The following ARHGAP39 variants were observed in gnomAD, a reference collection of about 807,000 sequenced individuals.
The protein encoded by ARHGAP39 is rho GTPase-activating protein 39.
ARHGAP39 carries 44 observed loss-of-function variants against 106.9 expected under a neutral mutation model. The observed-to-expected ratio is 0.41, with a 90% CI of 0.32 to 0.53. The LOEUF (loss-of-function observed/expected upper bound fraction) is 0.53, where lower values mean the gene tolerates loss of function less well. ARHGAP39 is among the 20% of genes least tolerant of loss of function. The pLI is 0.21. For synonymous variants in ARHGAP39, 768 were observed against 693.2 expected (o/e 1.11, Z -1.69); for missense variants, 1,496 against 1,577.3 (o/e 0.95, Z 0.87).
intron 1 of ARHGAP39, among the ~76,000 whole-genome samples, chr8:144,623,550 C>T (rs1201062420): frequency 2.0e-5 from 3 of 152,240 alleles, no homozygotes; most frequent in Non-Finnish European, 2.9e-5. Context: ...GCGACCCAGA[C>T]CTGACAGGCG....
At chr8:144,594,786 G>A (rs1819541197) in intron 2 of ARHGAP39, among the ~76,000 whole-genome samples, 1 of 152,104 alleles carries the variant, frequency 6.6e-6, no homozygotes, top group African/African-American at 2.4e-5. Flanking sequence ...TTGGGAGGCT[G>A]AGGCATGAGA....
At chr8:144,571,067 G>C (rs1484004556) in intron 3 of ARHGAP39, among the ~76,000 whole-genome samples, 2 of 152,174 alleles carry the variant, frequency 1.3e-5, no homozygotes, top group East Asian at 3.8e-4. Context: ...AGAGGAGCTG[G>C]TACCAGTCCT....
At chr8:144,535,525 G>C (rs1191830811) in intron 7 of ARHGAP39, among the ~76,000 whole-genome samples, 1 of 152,226 alleles carries the variant, frequency 6.6e-6, no homozygotes, top group South Asian at 2.1e-4. Flanking sequence ...AGAGCCTCAA[G>C]AAGGCAAGGA....
chr8:144,543,954 G>C (rs927629277), intron 6 of ARHGAP39: 1 of 152,386 alleles, frequency 6.6e-6, no homozygotes, highest in South Asian at 2.1e-4. Flanking sequence ...GCTCAGGCAC[G>C]ACATTCCCAG....
chr8:144,692,172 TTCTC>T, the ARHGAP39 span, among the ~76,000 whole-genome samples: 2 of 151,986 alleles, frequency 1.3e-5, no homozygotes, highest in Non-Finnish European at 2.9e-5. Context: ...ACTTCCCTCT[TTCTC>T]TCTCTGTCTC....
At chr8:144,530,639 C>A (rs779631185) in intron 11 of ARHGAP39, 23 bp from the exon 12 acceptor site, 5 of 587,364 alleles carry the variant, frequency 8.5e-6, no homozygotes, top group Non-Finnish European at 1.1e-5. Flanking sequence ...CGAGGGTGGG[C>A]GCGGAGGGGC....
intron 2 of ARHGAP39, among the ~76,000 whole-genome samples, chr8:144,590,505 C>T (rs1382768569): frequency 6.6e-6 from 1 of 151,840 alleles, no homozygotes; most frequent in African/African-American, 2.4e-5. Context: ...TCAGAAGCTT[C>T]CTGAGGCCTC....
intron 1 of ARHGAP39, among the ~76,000 whole-genome samples, chr8:144,623,474 G>A (rs938166218): frequency 6.6e-6 from 1 of 152,226 alleles, no homozygotes; most frequent in African/African-American, 2.4e-5. Flanking sequence ...AAGAATGGAA[G>A]AGACAGAGCT....
intron 2 of ARHGAP39, among the ~76,000 whole-genome samples, chr8:144,584,380 C>A (rs1246749209): frequency 1.3e-5 from 2 of 152,246 alleles, no homozygotes; most frequent in Non-Finnish European, 2.9e-5. Context: ...TGTGAAATTT[C>A]ATTTTCCCAT....
Position 144,580,907 on chromosome 8 carries a change from C to T in ARHGAP39, c.451G>A (p.Glu151Lys). ...EPEPDTEKAQELPARAGRPAA... is the reference protein window; with the variant it reads ...EPEPDTEKAQKLPARAGRPAA... ...GGCCGCCCGGCCCTCGCTGGCAACT[C>T]CTGCGCTTTCTCAGTGTCGGGCTCG... Residue 151 changes from glutamate (E) to lysine (K), a missense_variant, in exon 3 of 12, where the codon GAG becomes AAG. By Grantham distance (56) the Glu-to-Lys change is moderately conservative (BLOSUM62 1). Around this residue, in one of 4 missense-constraint regions of ARHGAP39, gnomAD observed 905 missense variants for 816.4 expected, o/e 1.11. Transcript: ENST00000377307. The T allele has an allele frequency of 6.2e-7, 1 of 1,604,058 alleles. No homozygotes were observed.
chr8:144,547,823 G>A lies in ARHGAP39; in HGVS notation c.1263C>T (p.Asn421=). The A allele has an allele frequency of 1.9e-6, 3 of 1,591,506 alleles. No individual in the cohort carries two copies. The highest frequency in any genetic ancestry group is 2.6e-6 in the Non-Finnish European group (3 of 1,171,006). The change falls in exon 5 of 12, where the codon AAC becomes AAT. Residue 421 remains asparagine (N), a synonymous_variant. Transcript: ENST00000377307. The surrounding 1 kb of genome is among the most constrained non-coding windows in gnomAD (Gnocchi z 5.2). Reference sequence around the variant, plus strand: ...GCAAGGAGTACGAACCACCGCCGGGGTTGGGCGCGTACTTGTGCCGCGGGC... The same window carrying A: ...GCAAGGAGTACGAACCACCGCCGGGATTGGGCGCGTACTTGTGCCGCGGGC... ...RAGPRHKYAP[N]PGGGSYSLQP...
chr8:144,530,918 CT>C (rs756090613), intron 10 of ARHGAP39, 47 bp from the exon 11 acceptor site: 26 of 1,573,918 alleles, frequency 1.7e-5, no homozygotes, highest in Admixed American at 3.5e-5. Flanking sequence ...GCGGGCACCC[CT>C]GGGCCAAATG....
chr8:144,589,524 G>A (rs117002272), intron 2 of ARHGAP39, among the ~76,000 whole-genome samples: 3,035 of 152,316 alleles, frequency 0.02, 74 homozygotes, highest in Admixed American at 0.064. Context: ...TGGTGACCAC[G>A]AGGCAGCTTT....
chr8:144,607,686 C>G (rs1820345006), intron 1 of ARHGAP39, among the ~76,000 whole-genome samples: 1 of 152,188 alleles, frequency 6.6e-6, no homozygotes, highest in African/African-American at 2.4e-5. Context: ...ACACTGCAGG[C>G]CAATTGGAAA....
At position 144,548,284 on chromosome 8, in the gene ARHGAP39, GGAA is replaced by G. The variant is rs756238605; in HGVS notation, c.799_801del (p.Phe267del). The G allele has an allele frequency of 3.1e-6, 5 of 1,608,840 alleles. No homozygotes were observed. Among genetic ancestry groups the G allele is most frequent in the East Asian group, 2.2e-5 (1 of 44,660 alleles). ...AGGAAGGGTGACGGCCTCCTCTCTG[GGAA>G]GAAGATGGTGCCGTCAGCCTCCGGG... On this transcript the variant is annotated inframe_deletion, in exon 5 of 12. Coordinates refer to ENST00000377307, the MANE Select transcript of ARHGAP39 (RefSeq NM_025251.3). The surrounding 1 kb of genome is among the most constrained non-coding windows in gnomAD (Gnocchi z 7.4).
At chr8:144,661,194 A>G (rs560098373) in intron 1 of ARHGAP39, among the ~76,000 whole-genome samples, 1 of 152,178 alleles carries the variant, frequency 6.6e-6, no homozygotes, top group South Asian at 2.1e-4. Context: ...CCCTTCACAC[A>G]CAGGCAGTGT....
chr8:144,687,246 G>A (rs113835431), upstream of ARHGAP39, among the ~76,000 whole-genome samples: 61 of 12,040 alleles, frequency 5.1e-3, 3 homozygotes, highest in East Asian at 0.026. Context: ...ACCACACACT[G>A]GCGGTGAGCA....
In ARHGAP39 at chr8:144,555,549, A is replaced by G; in HGVS notation, c.596+11T>C. ...CATCACAAACGGCCACGCCTGAGAG[A>G]TGGGTTCTACCTGTAGTGAAGAAGC... On this transcript the variant is annotated intron_variant, in intron 4 of 11. Transcript: ENST00000377307. 2 of 1,612,958 alleles carry G rather than the reference A, an allele frequency of 1.2e-6. No homozygotes were observed. The highest frequency in any genetic ancestry group is 8.5e-7 in the Non-Finnish European group (1 of 1,179,158).
intron 1 of ARHGAP39, among the ~76,000 whole-genome samples, chr8:144,622,524 G>A (rs1247615969): frequency 1.3e-5 from 2 of 152,030 alleles, no homozygotes. Flanking sequence ...CAGGAGAGGA[G>A]GCCCAGTTCT....
Sources: allele counts gnomAD v4.1 joint callset (sites outside exome capture counted in the v4.1 genomes callset), GRCh38; gene constraint gnomAD v4.1.1; regional missense constraint gnomAD v4.1.1; non-coding constraint Gnocchi (gnomAD v3.1); transcripts MANE v1.5; gene names NCBI Gene and HGNC (gene_info 2026-07-23, HGNC 2026-07-21).